The following RALYL variants were observed in gnomAD, a reference collection of about 807,000 sequenced individuals.
RALYL encodes the protein RNA-binding Raly-like protein.
A neutral mutation model predicts 35.1 loss-of-function variants in RALYL; 29 were observed. The ratio of observed to expected loss-of-function variants is 0.83; its 90% CI spans 0.61 to 1.13. The LOEUF (loss-of-function observed/expected upper bound fraction) is 1.13. RALYL is among the 50% of genes most tolerant of loss of function. The pLI is 0.00. For synonymous variants in RALYL, 120 were observed against 127.6 expected, an observed-to-expected ratio of 0.94 and a Z score of 0.40; for missense variants, 359 against 360.4, an observed-to-expected ratio of 1.00 and a Z score of 0.03.
intron 1 of RALYL, among the ~76,000 whole-genome samples, chr8:84,446,647 T>C (rs188686850): frequency 6.6e-6 from 1 of 152,030 alleles, no homozygotes; most frequent in South Asian, 2.1e-4. Context: ...CCTGGCTCAG[T>C]TGAGTATTGA....
At chr8:84,426,670 T>G (rs928438769) in intron 1 of RALYL, among the ~76,000 whole-genome samples, 2 of 152,074 alleles carry the variant, frequency 1.3e-5, no homozygotes, top group Non-Finnish European at 2.9e-5. Context: ...GACTAGACAT[T>G]TTTTCAAAAG....
intron 1 of RALYL, among the ~76,000 whole-genome samples, chr8:84,215,901 T>C (rs1348440525): frequency 6.6e-6 from 1 of 152,136 alleles, no homozygotes; most frequent in Non-Finnish European, 1.5e-5. Flanking sequence ...TAAAATAAAA[T>C]GTGTGTCTCC....
intron 1 of RALYL, among the ~76,000 whole-genome samples, chr8:84,305,281 G>T (rs1054442033): frequency 6.6e-6 from 1 of 152,040 alleles, no homozygotes; most frequent in African/African-American, 2.4e-5. Flanking sequence ...AGTAATACAA[G>T]ACTCATCTAT....
intron 8 of RALYL, chr8:84,906,876 T>G (rs1462206392): frequency 2.3e-5 from 19 of 815,684 alleles, no homozygotes; most frequent in Non-Finnish European, 2.8e-5. Context: ...TGCTGCACTA[T>G]CAGCCTTGCC....
intron 1 of RALYL, among the ~76,000 whole-genome samples, chr8:84,339,419 C>T (rs1349042368): frequency 6.6e-6 from 1 of 151,752 alleles, no homozygotes; most frequent in Non-Finnish European, 1.5e-5. Flanking sequence ...AGCATGAATC[C>T]TATTGTAGGT....
At chr8:84,866,406 T>C (rs1293148096) in intron 6 of RALYL, among the ~76,000 whole-genome samples, 2 of 152,198 alleles carry the variant, frequency 1.3e-5, no homozygotes, top group Non-Finnish European at 2.9e-5. Flanking sequence ...GAATTACTTA[T>C]GTATATAAAA....
intron 4 of RALYL, among the ~76,000 whole-genome samples, chr8:84,844,603 G>A (rs1834197080): frequency 1.3e-5 from 2 of 152,176 alleles, no homozygotes; most frequent in Non-Finnish European, 2.9e-5. Flanking sequence ...ATTTGACCCA[G>A]CCATCCCATT....
chr8:84,839,740 C>T (rs1365810751), intron 4 of RALYL, among the ~76,000 whole-genome samples: 2 of 152,232 alleles, frequency 1.3e-5, no homozygotes, highest in Non-Finnish European at 1.5e-5. Flanking sequence ...ACTGACACCT[C>T]ACACGGCCAG....
chr8:84,577,934 T>A (rs1344117980), intron 2 of RALYL, among the ~76,000 whole-genome samples: 1 of 152,204 alleles, frequency 6.6e-6, no homozygotes, highest in Non-Finnish European at 1.5e-5. Flanking sequence ...GACACTGGCA[T>A]GGGAAACTTA....
intron 2 of RALYL, among the ~76,000 whole-genome samples, chr8:84,582,998 T>A (rs1236636503): frequency 1.3e-5 from 2 of 152,152 alleles, no homozygotes; most frequent in Admixed American, 1.3e-4. Flanking sequence ...CTTGACTTAT[T>A]TCCTGACTCC....
chr8:84,493,462 T>G (rs983809930), intron 1 of RALYL, among the ~76,000 whole-genome samples: 1 of 152,162 alleles, frequency 6.6e-6, no homozygotes, highest in Non-Finnish European at 1.5e-5. Context: ...AAATGGTATT[T>G]CTGGTTCTAA....
rs993593554 is a variant in RALYL, at chr8:84,184,096, T to C, written c.-352T>C. ...CCGGTGAAAACAAATTCGTTTTTTT[T>C]CCCTCCTGTTTTTGATACCCATTGA... On this transcript the variant is annotated 5_prime_UTR_variant, in exon 1 of 9. Transcript: ENST00000521268. The C allele has an allele frequency of 3.9e-5, 6 of 152,320 alleles. No individual in the cohort carries two copies. The highest frequency in any genetic ancestry group is 1.2e-4 in the African/African-American group (5 of 41,562). The allele number at this position is 152,320 out of a possible 1,614,324, so 9.4% of individuals were successfully genotyped here.
Position 84,892,765 on chromosome 8 carries a change from A to C in RALYL, c.858+4989A>C, listed in dbSNP as rs116662068. Among the ~76,000 whole-genome samples, 827 of 152,208 alleles carry C rather than the reference A, an allele frequency of 5.4e-3. 11 individuals are homozygous for C. The highest frequency in any genetic ancestry group is 0.019 in the African/African-American group (792 of 41,548). On this transcript the variant is annotated intron_variant, in intron 8 of 8. Coordinates refer to ENST00000521268, the MANE Select transcript of RALYL (RefSeq NM_173848.7). The stretch of plus-strand genomic sequence containing the variant: ...CAAAAACAGAAAAACTAAACAAAAA[A>C]CAAGCTCGGACTTTATAATTTATAA...
At chr8:84,872,240 A>G (rs746787983) in intron 6 of RALYL, among the ~76,000 whole-genome samples, 2 of 152,140 alleles carry the variant, frequency 1.3e-5, no homozygotes, top group Non-Finnish European at 2.9e-5. Context: ...TCTAAATTCC[A>G]TTATCCATTT....
intron 2 of RALYL, among the ~76,000 whole-genome samples, chr8:84,756,473 A>AT (rs1367591604): frequency 6.6e-6 from 1 of 152,080 alleles, no homozygotes; most frequent in Non-Finnish European, 1.5e-5. Context: ...AAAAATGTTG[A>AT]TTTTGCTAGC....
intron 4 of RALYL, among the ~76,000 whole-genome samples, chr8:84,816,089 A>C (rs1360067617): frequency 6.6e-6 from 1 of 151,862 alleles, no homozygotes; most frequent in Non-Finnish European, 1.5e-5. Context: ...GCACAGAGTG[A>C]TCATCAAGAT....
intron 2 of RALYL, among the ~76,000 whole-genome samples, chr8:84,581,150 T>C (rs1339213572): frequency 6.6e-6 from 1 of 152,176 alleles, no homozygotes; most frequent in East Asian, 1.9e-4. Flanking sequence ...CATTGCCTTA[T>C]CAGACTGTGC....
In RALYL at chr8:84,464,446, C is replaced by T. The variant is rs1316234122; in HGVS notation, c.-23-64853C>T. Among the ~76,000 whole-genome samples, 21 of 151,282 alleles carry T rather than the reference C, an allele frequency of 1.4e-4. 2 individuals carry two copies. In the South Asian group the frequency reaches 4.0e-3, roughly 29 times the overall value. On this transcript the variant is annotated intron_variant, in intron 1 of 8. Coordinates refer to ENST00000521268, the MANE Select transcript of RALYL (RefSeq NM_173848.7). Reference sequence around the variant, plus strand: ...TGAGAATGATGATTTCCAATTTCATCCATGTCCCTACAAAGGACATGAACT... The same window carrying T: ...TGAGAATGATGATTTCCAATTTCATTCATGTCCCTACAAAGGACATGAACT...
intron 1 of RALYL, among the ~76,000 whole-genome samples, chr8:84,297,992 T>C (rs1840082123): frequency 6.6e-6 from 1 of 152,078 alleles, no homozygotes; most frequent in Admixed American, 6.6e-5. Context: ...GTTGTCAGCT[T>C]ATTCTGTTGA....
Sources: gnomAD v4.1 joint callset for allele counts (sites outside exome capture counted in the v4.1 genomes callset) on GRCh38, gnomAD v4.1.1 for gene constraint, MANE v1.5 for transcripts, NCBI Gene and HGNC (gene_info 2026-07-23, HGNC 2026-07-21) for gene names.